The following PCDH9 variants were observed in gnomAD, a reference collection of about 807,000 sequenced individuals.
PCDH9 encodes the protein protocadherin 9.
In PCDH9, 24 loss-of-function variants were observed where a neutral mutation model predicts 70.6. The ratio of observed to expected loss-of-function variants is 0.34; its 90% CI spans 0.25 to 0.48. The LOEUF is 0.48. Ranked by LOEUF, PCDH9 falls within the 20% of genes least tolerant of loss-of-function variation. The pLI is 0.99. For synonymous variants in PCDH9, 562 were observed against 558.5 expected (o/e 1.01, Z -0.09); for missense variants, 1,281 against 1,503.6 (o/e 0.85, Z 2.45).
At chr13:66,777,011 G>A (rs1452638948) in intron 3 of PCDH9, among the ~76,000 whole-genome samples, 1 of 151,586 alleles carries the variant, frequency 6.6e-6, no homozygotes, top group Admixed American at 6.6e-5. Flanking sequence ...ACAAACCTGA[G>A]AAAAACAAGC....
chr13:66,690,686 C>T (rs2139082722), intron 3 of PCDH9, among the ~76,000 whole-genome samples: 1 of 152,248 alleles, frequency 6.6e-6, no homozygotes, highest in South Asian at 2.1e-4. Context: ...AGAAGTGGAA[C>T]CTGAGTTGGC....
intron 2 of PCDH9, among the ~76,000 whole-genome samples, chr13:67,019,096 C>T (rs532337164): frequency 6.6e-6 from 1 of 151,860 alleles, no homozygotes; most frequent in South Asian, 2.1e-4. Context: ...TCCTCCCTCA[C>T]AAAGTTCTCA....
intron 3 of PCDH9, among the ~76,000 whole-genome samples, chr13:66,638,560 T>C (rs1303529848): frequency 6.6e-6 from 1 of 152,136 alleles, no homozygotes; most frequent in Non-Finnish European, 1.5e-5. Flanking sequence ...ATTTTGCATG[T>C]CTTAATGAGC....
intron 3 of PCDH9, among the ~76,000 whole-genome samples, chr13:66,799,587 T>C (rs983951042): frequency 6.6e-6 from 1 of 152,212 alleles, no homozygotes; most frequent in African/African-American, 2.4e-5. Flanking sequence ...TCATAAGTTA[T>C]TCTCAGAGAA....
intron 2 of PCDH9, among the ~76,000 whole-genome samples, chr13:66,940,811 G>C (rs1010370065): frequency 6.6e-6 from 1 of 150,942 alleles, no homozygotes; most frequent in Admixed American, 6.6e-5. Flanking sequence ...AAAAATTTCA[G>C]AGTCATTCAT....
chr13:67,193,332 AACACAC>A (rs71110637), intron 2 of PCDH9, among the ~76,000 whole-genome samples: 10,159 of 141,838 alleles, frequency 0.072, 415 homozygotes, highest in East Asian at 0.094. Context: ...TGGAGATTAA[AACACAC>A]ACACACACAC....
chr13:66,359,677 A>C (rs140339924), intron 4 of PCDH9, among the ~76,000 whole-genome samples: 2 of 152,206 alleles, frequency 1.3e-5, no homozygotes, highest in Admixed American at 1.3e-4. Flanking sequence ...TACTACAGTG[A>C]GGACAAAGCA....
At chr13:66,932,681 T>TATATATATATACACAC (rs1313632174) in intron 2 of PCDH9, among the ~76,000 whole-genome samples, 2 of 114,822 alleles carry the variant, frequency 1.7e-5, no homozygotes, top group African/African-American at 6.8e-5. Context: ...TATATATATA[T>TATATATATATACACAC]ACACACACAC....
intron 2 of PCDH9, among the ~76,000 whole-genome samples, chr13:67,069,811 T>G (rs895660794): frequency 6.6e-6 from 1 of 152,132 alleles, no homozygotes; most frequent in Admixed American, 6.6e-5. Context: ...GATAAAGAAT[T>G]TTTGGTACTA....
intron 2 of PCDH9, among the ~76,000 whole-genome samples, chr13:67,174,293 T>TGATAGATAGATAGATA (rs748357252): frequency 8.1e-5 from 12 of 148,922 alleles, no homozygotes; most frequent in African/African-American, 3.0e-4. Context: ...GATAGACAGA[T>TGATAGATAGATAGATA]GATAGATAGA....
At chr13:66,987,358 C>T in intron 2 of PCDH9, among the ~76,000 whole-genome samples, 1 of 152,108 alleles carries the variant, frequency 6.6e-6, no homozygotes, top group African/African-American at 2.4e-5. Context: ...ACTCAGAGGA[C>T]CCTGGTGTGA....
chr13:66,595,870 AAAGT>A (rs561211841), intron 4 of PCDH9, among the ~76,000 whole-genome samples: 2 of 151,814 alleles, frequency 1.3e-5, no homozygotes, highest in South Asian at 4.1e-4. Context: ...ACACCAGCGT[AAAGT>A]AAGCGAAAAG....
intron 3 of PCDH9, among the ~76,000 whole-genome samples, chr13:66,880,789 G>T (rs1308984945): frequency 1.3e-5 from 2 of 152,070 alleles, no homozygotes; most frequent in African/African-American, 4.8e-5. Context: ...GAACATATTA[G>T]GTTATTTCCT....
chr13:66,594,474 T>C (rs2077077491), intron 4 of PCDH9, among the ~76,000 whole-genome samples: 1 of 772 alleles, frequency 1.3e-3, no homozygotes, highest in South Asian at 0.036. Flanking sequence ...TTTTGTTTAT[T>C]TTATTTTATT....
intron 4 of PCDH9, among the ~76,000 whole-genome samples, chr13:66,354,013 A>T (rs1300916287): frequency 6.6e-6 from 1 of 152,200 alleles, no homozygotes; most frequent in Non-Finnish European, 1.5e-5. Context: ...GTGAAAATAA[A>T]AATTTGCTTT....
chr13:66,689,089 T>TA (rs1490809297), intron 3 of PCDH9, among the ~76,000 whole-genome samples: 3 of 152,188 alleles, frequency 2.0e-5, no homozygotes, highest in Non-Finnish European at 4.4e-5. Context: ...CACAAATGTA[T>TA]GTATCTAGCC....
At position 67,226,542 on chromosome 13, in the gene PCDH9, A is replaced by G. The variant is rs1417399500; in HGVS notation, c.1899T>C (p.Phe633=). ...TGTAGGAACTCTGCTGCTCTCTATC[A>G]AATGAGACATTTGACTTTATGACTC... ...YSGVIKSNVS[F]DREQQSSYTF... is the part of the protein sequence containing the mutation. Residue 633 remains phenylalanine (F), a synonymous_variant, in exon 2 of 5, where the codon TTT becomes TTC. Coordinates refer to ENST00000377865, the MANE Select transcript of PCDH9 (RefSeq NM_203487.3). This position sits in a 1 kb window ranked among gnomAD's most constrained non-coding sequence, Gnocchi z 5.0. 6 of 1,613,904 alleles carry G rather than the reference A, an allele frequency of 3.7e-6. No individual in the cohort carries two copies. Among genetic ancestry groups the G allele is most frequent in the Non-Finnish European group, 5.1e-6 (6 of 1,179,902 alleles).
At chr13:66,617,337 A>G (rs1439654130) in intron 4 of PCDH9, among the ~76,000 whole-genome samples, 1 of 151,838 alleles carries the variant, frequency 6.6e-6, no homozygotes, top group Non-Finnish European at 1.5e-5. Context: ...GATGCCTGCT[A>G]CTCTCTTTCT....
chr13:67,122,536 A>T (rs769948869), intron 2 of PCDH9, among the ~76,000 whole-genome samples: 12 of 151,906 alleles, frequency 7.9e-5, no homozygotes, highest in Non-Finnish European at 1.6e-4. Context: ...GCACTTTGGG[A>T]GGTCGAGGTG....
Sources: gnomAD v4.1 joint callset for allele counts (sites outside exome capture counted in the v4.1 genomes callset) on GRCh38, gnomAD v4.1.1 for gene constraint, Gnocchi (gnomAD v3.1) non-coding constraint, MANE v1.5 for transcripts, NCBI Gene and HGNC (gene_info 2026-07-23, HGNC 2026-07-21) for gene names.